Variants in EXOSC3 observed in about 807,000 individuals in gnomAD.
EXOSC3 encodes exosome complex component RRP40.
Under a neutral mutation model 25.1 loss-of-function variants are expected in EXOSC3, and 18 were observed. The ratio of observed to expected loss-of-function variants is 0.72; its 90% CI spans 0.50 to 1.06. EXOSC3 has a LOEUF of 1.06. Among genes scored for constraint, EXOSC3 ranks in the 50% least tolerant of loss-of-function variants. EXOSC3 has a pLI of 0.00. For missense variants in EXOSC3, 382 were observed against 350.9 expected, an observed-to-expected ratio of 1.09 and a Z score of -0.71; for synonymous variants, 165 against 132.2, an observed-to-expected ratio of 1.25 and a Z score of -1.70.
rs758859987 is a variant in EXOSC3, at chr9:37,782,036, G to A, written c.576C>T (p.Val192=). ...TAAAAAGCAGACCATCCTGTCCAAT[G>A]ACACCCATTCCATTGGCTCGTCCAC... The part of the protein sequence containing the change: ...DSCGRANGMG[V]IGQDGLLFKV... Residue 192 remains valine, a synonymous_variant, in exon 3 of 4, where the codon GTC becomes GTT. Coordinates refer to ENST00000327304, the MANE Select transcript of EXOSC3 (RefSeq NM_016042.4). The A allele has an allele frequency of 1.2e-6, 2 of 1,613,986 alleles. No homozygotes were observed. Among genetic ancestry groups the A allele is most frequent in the East Asian group, 2.2e-5 (1 of 44,884 alleles).
intron 2 of EXOSC3, among the ~76,000 whole-genome samples, chr9:37,782,718 G>A (rs1399615353): frequency 6.6e-6 from 1 of 152,210 alleles, no homozygotes; most frequent in East Asian, 1.9e-4. Flanking sequence ...GGACGAAACT[G>A]AGGAAATGGA....
At chr9:37,785,088 T>C (rs1293735725), upstream of EXOSC3, 2 of 1,542,334 alleles carry the variant, frequency 1.3e-6, no homozygotes, top group Non-Finnish European at 1.7e-6. Context: ...GCCTTCCGCT[T>C]CCGCTCCGCT....
chr9:37,785,056 C>A lies in EXOSC3; in HGVS notation c.-12G>T. The A allele has an allele frequency of 6.3e-7, 1 of 1,585,968 alleles. No homozygotes were observed. On this transcript the variant is annotated 5_prime_UTR_variant, in exon 1 of 4. Transcript: ENST00000327304. Reference sequence around the variant, plus strand: ...GCAGGTTCGGCCATCGCGGGCTCCACCAAACACCGTTTCCGGTACCCGCCT... The same window carrying A: ...GCAGGTTCGGCCATCGCGGGCTCCAACAAACACCGTTTCCGGTACCCGCCT...
At chr9:37,784,560 G>A in intron 1 of EXOSC3, 161 bp downstream of exon 1, 1 of 779,776 alleles carries the variant, frequency 1.3e-6, no homozygotes, top group East Asian at 2.7e-5. Flanking sequence ...ATTGTTCACG[G>A]TCCCTCTAAA....
At position 37,783,997 on chromosome 9, in the gene EXOSC3, C is replaced by T. The variant is rs751936620; in HGVS notation, c.391G>A (p.Val131Ile). ...GCTGGCTCACTCCCTCCAACATCAA[C>T]TTTGAATATATCTCCAGATTTAGCT... The part of the protein sequence containing the change: ...VTAKSGDIFK[V>I]DVGGSEPASL... The change falls in exon 2 of 4, where the codon GTT becomes ATT. Residue 131 changes from valine (V) to isoleucine (I), a missense_variant. Coordinates refer to ENST00000327304, the MANE Select transcript of EXOSC3 (RefSeq NM_016042.4). 3 of 1,614,058 alleles carry T rather than the reference C, an allele frequency of 1.9e-6. No homozygotes were observed. Among genetic ancestry groups the T allele is most frequent in the East Asian group, 2.2e-5 (1 of 44,864 alleles).
In EXOSC3 at chr9:37,780,105, AATAACT is replaced by A. The variant is rs1488183275; in HGVS notation, c.*568_*573del. The stretch of plus-strand genomic sequence containing the variant: ...TATTACAAAGTGGCATATAAGCTAT[AATAACT>A]ATAATTTCAATTTGATGAATATAGA... On this transcript the variant is annotated 3_prime_UTR_variant, in exon 4 of 4. Coordinates refer to ENST00000327304, the MANE Select transcript of EXOSC3 (RefSeq NM_016042.4). 2.2e-5 allele frequency: 3 copies of A among 134,064 alleles called. No individual in the cohort carries two copies. The highest frequency in any genetic ancestry group is 4.5e-5 in the Non-Finnish European group (3 of 66,316). The allele number at this position is 134,064 out of a possible 1,614,324, so 8.3% of individuals were successfully genotyped here.
chr9:37,783,096 G>A (rs1213979594), intron 2 of EXOSC3, among the ~76,000 whole-genome samples: 1 of 152,190 alleles, frequency 6.6e-6, no homozygotes, highest in Non-Finnish European at 1.5e-5. Context: ...TTTGAGTATG[G>A]CTGTATGAAG....
chr9:37,784,327 T>A, intron 1 of EXOSC3: 3 of 488,422 alleles, frequency 6.1e-6, no homozygotes, highest in Non-Finnish European at 7.2e-6. Context: ...GGCAAAGGAA[T>A]CCTTACAACC....
intron 1 of EXOSC3, 134 bp from the exon 2 acceptor site, chr9:37,784,197 A>C: frequency 1.0e-6 from 1 of 964,026 alleles, no homozygotes; most frequent in Non-Finnish European, 1.5e-6. Context: ...TCGGTAAAAG[A>C]AAATCACTTC....
intron 2 of EXOSC3, 82 bp from the exon 3 acceptor site, chr9:37,782,219 G>T: frequency 6.9e-7 from 1 of 1,445,352 alleles, no homozygotes; most frequent in Non-Finnish European, 9.6e-7. Context: ...AGGCATCAAT[G>T]CCAGCCACCT....
In EXOSC3 at chr9:37,780,547, TATAAAA is replaced by T; in HGVS notation, c.*126_*131del. Reference sequence around the variant, plus strand: ...AAAGCGTGGGTGAAAACCAGTAACTTATAAAAATACTTTCGGACTCTAATAATACAT... The same window carrying T: ...AAAGCGTGGGTGAAAACCAGTAACTTATACTTTCGGACTCTAATAATACAT... On this transcript the variant is annotated 3_prime_UTR_variant, in exon 4 of 4. Coordinates refer to ENST00000327304, the MANE Select transcript of EXOSC3 (RefSeq NM_016042.4). The T allele has an allele frequency of 1.4e-6, 1 of 717,450 alleles. No homozygotes were observed. Among genetic ancestry groups the T allele is most frequent in the South Asian group, 1.9e-5 (1 of 52,372 alleles). The allele number at this position is 717,450 out of a possible 1,614,324, so 44.4% of individuals were successfully genotyped here.
rs1828668418 is a variant in EXOSC3, at chr9:37,784,724, C to T, written c.321G>A (p.Lys107=). 6.3e-7 allele frequency: 1 copy of T among 1,591,600 alleles called. No homozygotes were observed. The highest frequency in any genetic ancestry group is 1.7e-5 in the Admixed American group (1 of 59,458). Residue 107 remains lysine, a synonymous_variant, in exon 1 of 4, where the codon AAG becomes AAA. Coordinates refer to ENST00000327304, the MANE Select transcript of EXOSC3 (RefSeq NM_016042.4). ...CCCCTCCGGAGTCCCAGCTCACCCG[C>T]TTCTGCTGAGAGTCCACCCAGTAAA... is the stretch of plus-strand genomic sequence containing the variant. The part of the protein sequence containing the change: ...GGVYWVDSQQ[K]RYVPVKGDHV...
chr9:37,784,005 A>G lies in EXOSC3; in HGVS notation c.383T>C (p.Ile128Thr), dbSNP rs903357748. ...IGIVTAKSGD[I>T]FKVDVGGSEP... Reference sequence around the variant, plus strand: ...ACTCCCTCCAACATCAACTTTGAATATATCTCCAGATTTAGCTGTCACTAT... The same window carrying G: ...ACTCCCTCCAACATCAACTTTGAATGTATCTCCAGATTTAGCTGTCACTAT... The change falls in exon 2 of 4, where the codon ATA becomes ACA. Residue 128 changes from isoleucine to threonine, a missense_variant. Physicochemically the swap from Ile to Thr is moderately conservative, Grantham distance 89. Coordinates refer to ENST00000327304, the MANE Select transcript of EXOSC3 (RefSeq NM_016042.4). 18 of 1,613,964 alleles carry G rather than the reference A, an allele frequency of 1.1e-5. No homozygotes were observed. In the East Asian group the frequency reaches 2.7e-4, roughly 24 times the overall value.
chr9:37,783,930 T>C lies in EXOSC3; in HGVS notation c.458A>G (p.Asn153Ser). The change falls in exon 2 of 4, where the codon AAC becomes AGC. Residue 153 changes from asparagine to serine, a missense_variant. Transcript: ENST00000327304. ...YLSFEGATKRNRPNVQVGDLI... is the reference protein window; with the variant it reads ...YLSFEGATKRSRPNVQVGDLI... ...CGTAATTACCTGCACATTTGGTCTG[T>C]TTCTTTTAGTTGCACCTTCAAATGA... is the stretch of plus-strand genomic sequence containing the variant. 1 of 1,612,164 alleles carries C rather than the reference T, an allele frequency of 6.2e-7. No homozygotes were observed. Among genetic ancestry groups the C allele is most frequent in the African/African-American group, 1.3e-5 (1 of 74,960 alleles).
At chr9:37,780,991 A>G (rs1828582982) in intron 3 of EXOSC3, 111 bp from the exon 4 acceptor site, 2 of 876,250 alleles carry the variant, frequency 2.3e-6, no homozygotes, top group Non-Finnish European at 3.5e-6. Context: ...CTGTTCAACA[A>G]GAACAAGGCA....
In EXOSC3 at chr9:37,780,846, C is replaced by CT; in HGVS notation, c.660dup (p.Val221SerfsTer20). ...ATCTCCAGTGGATAGAGTTTTCCCA[C>CT]TTCCTGTATGATTTCACAATCTGGA... is the stretch of plus-strand genomic sequence containing the variant. On this transcript the variant is annotated frameshift_variant, in exon 4 of 4. Transcript: ENST00000327304. LOFTEE classifies it high-confidence loss of function. 1 of 1,613,652 alleles carries CT rather than the reference C, an allele frequency of 6.2e-7. No homozygotes were observed. Among genetic ancestry groups the CT allele is most frequent in the Non-Finnish European group, 8.5e-7 (1 of 1,179,822 alleles).
chr9:37,784,495 C>T, intron 1 of EXOSC3: 1 of 598,148 alleles, frequency 1.7e-6, no homozygotes, highest in East Asian at 2.8e-5. Flanking sequence ...ATAATCATGA[C>T]TCACGGTCTC....
intron 3 of EXOSC3, among the ~76,000 whole-genome samples, chr9:37,781,472 T>C (rs1382974642): frequency 6.6e-6 from 1 of 151,274 alleles, no homozygotes. Context: ...GGTAAAGTTC[T>C]AAACACCAAA....
Position 37,783,900 on chromosome 9 carries a change from G to C in EXOSC3, c.474+14C>G. 6.2e-7 allele frequency: 1 copy of C among 1,605,512 alleles called. No individual in the cohort carries two copies. Among genetic ancestry groups the C allele is most frequent in the Non-Finnish European group, 8.5e-7 (1 of 1,177,772 alleles). ...GATGTTTGTTTCTTTGAAACCAAAGGCTCCCGTAATTACCTGCACATTTGG... is the reference window on the plus strand; with the variant it reads ...GATGTTTGTTTCTTTGAAACCAAAGCCTCCCGTAATTACCTGCACATTTGG... On this transcript the variant is annotated intron_variant, in intron 2 of 3. Coordinates refer to ENST00000327304, the MANE Select transcript of EXOSC3 (RefSeq NM_016042.4).
Sources: allele counts gnomAD v4.1 joint callset (sites outside exome capture counted in the v4.1 genomes callset), GRCh38; gene constraint gnomAD v4.1.1; transcripts MANE v1.5; gene names NCBI Gene and HGNC (gene_info 2026-07-23, HGNC 2026-07-21).